DHRSX: variants seen among roughly 807,000 people sequenced by gnomAD.
DHRSX encodes polyprenol dehydrogenase.
A neutral mutation model predicts 34.0 loss-of-function variants in DHRSX; 31 were observed. The ratio of observed to expected loss-of-function variants is 0.91; its 90% CI spans 0.69 to 1.23. The LOEUF (loss-of-function observed/expected upper bound fraction) is 1.23. Ranked by LOEUF, DHRSX falls within the 50% of genes most tolerant of loss-of-function variation. DHRSX has a pLI of 0.00. For missense variants in DHRSX, 414 were observed against 428.1 expected, an observed-to-expected ratio of 0.97 and a Z score of 0.29; for synonymous variants, 201 against 183.8, an observed-to-expected ratio of 1.09 and a Z score of -0.76.
chrX:2,492,841 G>A (rs1240039855), intron 1 of DHRSX, among the ~76,000 whole-genome samples: 2 of 152,234 alleles, frequency 1.3e-5, no homozygotes, highest in Non-Finnish European at 2.9e-5. Flanking sequence ...GAGAGAATAA[G>A]CTATGGTTTT....
chrX:2,298,328 T>TG (rs1383336073), intron 3 of DHRSX, among the ~76,000 whole-genome samples: 217 of 151,158 alleles, frequency 1.4e-3, no homozygotes, highest in African/African-American at 4.7e-3. Flanking sequence ...TTTTTTTTTT[T>TG]TTTGTTAGTT....
intron 4 of DHRSX, among the ~76,000 whole-genome samples, chrX:2,284,898 T>C (rs1186599686): frequency 1.3e-5 from 2 of 152,194 alleles, no homozygotes; most frequent in East Asian, 3.8e-4. Context: ...AAACCTTGAT[T>C]GCTCTAAGAA....
At chrX:2,316,051 G>A (rs1013845840) in intron 3 of DHRSX, among the ~76,000 whole-genome samples, 23 of 152,024 alleles carry the variant, frequency 1.5e-4, no homozygotes, top group Admixed American at 1.4e-3. Flanking sequence ...TAGTAGAGAC[G>A]GGTTTTCTCC....
chrX:2,465,251 G>A (rs762604470), intron 1 of DHRSX, among the ~76,000 whole-genome samples: 1 of 152,142 alleles, frequency 6.6e-6, no homozygotes, highest in Non-Finnish European at 1.5e-5. Flanking sequence ...AGGCTCTTCA[G>A]GGCGCCTCCA....
intron 1 of DHRSX, among the ~76,000 whole-genome samples, chrX:2,484,193 G>A (rs1370256825): frequency 1.3e-5 from 2 of 152,006 alleles, no homozygotes; most frequent in Non-Finnish European, 2.9e-5. Flanking sequence ...GGCTGGTCTT[G>A]AACTCCTGAC....
At chrX:2,304,243 A>ATG (rs2042070409) in intron 3 of DHRSX, among the ~76,000 whole-genome samples, 2 of 32,972 alleles carry the variant, frequency 6.1e-5, no homozygotes, top group African/African-American at 1.3e-4. Flanking sequence ...ATGGATGGAT[A>ATG]AATGGATGGA....
At chrX:2,325,277 T>A (rs766603728) in intron 3 of DHRSX, among the ~76,000 whole-genome samples, 2 of 151,894 alleles carry the variant, frequency 1.3e-5, no homozygotes, top group South Asian at 4.2e-4. Flanking sequence ...GGCGGCTCCA[T>A]CTTCCGGGCA....
intron 4 of DHRSX, among the ~76,000 whole-genome samples, chrX:2,273,895 C>T (rs978218310): frequency 1.3e-5 from 2 of 152,184 alleles, no homozygotes; most frequent in East Asian, 1.9e-4. Context: ...GAATCCGAGC[C>T]GTGCTAGGGA....
chrX:2,438,284 T>C (rs2044020544), intron 1 of DHRSX, among the ~76,000 whole-genome samples: 1 of 145,898 alleles, frequency 6.9e-6, no homozygotes, highest in African/African-American at 2.5e-5. Flanking sequence ...GAGCTTCATA[T>C]AGTTACACAT....
intron 6 of DHRSX, among the ~76,000 whole-genome samples, chrX:2,231,557 T>A: frequency 6.6e-6 from 1 of 151,048 alleles, no homozygotes. Context: ...TTCCTCTTCC[T>A]TTTTCTCTCT....
At chrX:2,382,148 T>G (rs1201251235) in intron 3 of DHRSX, among the ~76,000 whole-genome samples, 1 of 152,174 alleles carries the variant, frequency 6.6e-6, no homozygotes, top group Non-Finnish European at 1.5e-5. Flanking sequence ...TGGAGAAGTA[T>G]TCCATTCCCT....
At chrX:2,483,333 A>G (rs1170555629) in intron 1 of DHRSX, among the ~76,000 whole-genome samples, 2 of 152,060 alleles carry the variant, frequency 1.3e-5, no homozygotes, top group Non-Finnish European at 2.9e-5. Context: ...GTATGTTCAC[A>G]GCTCACTGCA....
At chrX:2,293,174 A>G in intron 3 of DHRSX, among the ~76,000 whole-genome samples, 1 of 152,040 alleles carries the variant, frequency 6.6e-6, no homozygotes, top group African/African-American at 2.4e-5. Flanking sequence ...TGTATTCAGT[A>G]TATCAACTTC....
chrX:2,425,852 A>G (rs1432712227), intron 1 of DHRSX, among the ~76,000 whole-genome samples: 1 of 152,136 alleles, frequency 6.6e-6, no homozygotes, highest in African/African-American at 2.4e-5. Context: ...GTGGGAAGAC[A>G]AAGGAGACCA....
intron 3 of DHRSX, among the ~76,000 whole-genome samples, chrX:2,345,115 C>G: frequency 6.6e-6 from 1 of 151,792 alleles, no homozygotes; most frequent in Middle Eastern, 3.4e-3. Flanking sequence ...CTTCCCCTGC[C>G]TCTTGAAATA....
intron 3 of DHRSX, among the ~76,000 whole-genome samples, chrX:2,298,458 C>A (rs931269118): frequency 6.7e-6 from 1 of 150,276 alleles, no homozygotes; most frequent in African/African-American, 2.5e-5. Context: ...GTGAACAACA[C>A]CAGAAAAGGA....
At chrX:2,349,747 C>T (rs1231623148) in intron 3 of DHRSX, among the ~76,000 whole-genome samples, 1 of 151,924 alleles carries the variant, frequency 6.6e-6, no homozygotes, top group East Asian at 1.9e-4. Flanking sequence ...CAGCCTTAAA[C>T]GGAAGGTAAT....
rs376522065 is a variant in DHRSX, at chrX:2,273,223, TCAAA to T, written c.389-6280_389-6277del. ...TAAATAAATCAATAAAATAAAATAA[TCAAA>T]CAAAACAATACAAAACAAAATACCT... On this transcript the variant is annotated intron_variant, in intron 4 of 6. Transcript: ENST00000334651. 2.8e-3 allele frequency among the ~76,000 whole-genome samples: 431 copies of T among 152,114 alleles called. 4 individuals are homozygous for T. Among genetic ancestry groups the T allele is most frequent in the African/African-American group, 9.6e-3 (398 of 41,522 alleles).
intron 3 of DHRSX, among the ~76,000 whole-genome samples, chrX:2,321,580 C>G (rs976657841): frequency 1.3e-5 from 2 of 150,570 alleles, no homozygotes; most frequent in Non-Finnish European, 2.9e-5. Flanking sequence ...CGTGCTCCAC[C>G]CCCCTCTCTC....
Sources: gnomAD v4.1 joint callset for allele counts (sites outside exome capture counted in the v4.1 genomes callset) on GRCh38, gnomAD v4.1.1 for gene constraint, MANE v1.5 for transcripts, NCBI Gene and HGNC (gene_info 2026-07-23, HGNC 2026-07-21) for gene names.